XYLT1: variants seen among roughly 807,000 people sequenced by gnomAD.
XYLT1 encodes the protein xylosyltransferase 1.
Under a neutral mutation model 91.3 loss-of-function variants are expected in XYLT1, and 36 were observed. The observed-to-expected ratio is 0.39, with a 90% CI of 0.30 to 0.52. XYLT1 has a LOEUF of 0.52. Among genes scored for constraint, XYLT1 ranks in the 20% least tolerant of loss-of-function variants. The pLI, the probability that XYLT1 is intolerant of heterozygous loss-of-function variation, is 0.68. For synonymous variants in XYLT1, 588 were observed against 532.0 expected (o/e 1.11, Z -1.45); for missense variants, 1,242 against 1,284.5 (o/e 0.97, Z 0.51).
At chr16:17,342,753 C>T (rs1362947304) in intron 2 of XYLT1, among the ~76,000 whole-genome samples, 1 of 152,006 alleles carries the variant, frequency 6.6e-6, no homozygotes, top group Non-Finnish European at 1.5e-5. Context: ...TCATTTACTA[C>T]CTGTATAGAA....
chr16:17,441,918 TA>T (rs542814281), intron 1 of XYLT1, among the ~76,000 whole-genome samples: 3 of 152,232 alleles, frequency 2.0e-5, no homozygotes, highest in Non-Finnish European at 4.4e-5. Flanking sequence ...TAATTTAATG[TA>T]TCAACTTGAT....
chr16:17,424,545 T>G (rs1053968423), intron 1 of XYLT1, among the ~76,000 whole-genome samples: 1 of 152,056 alleles, frequency 6.6e-6, no homozygotes, highest in Admixed American at 6.5e-5. Flanking sequence ...GGGAGTGTTA[T>G]GTGGATGCTG....
intron 9 of XYLT1, among the ~76,000 whole-genome samples, chr16:17,133,806 C>CAGTT (rs1373115939): frequency 1.3e-5 from 2 of 152,144 alleles, no homozygotes; most frequent in African/African-American, 4.8e-5. Context: ...GAAGTGTTGG[C>CAGTT]AGTTAGTGGT....
At chr16:17,198,121 A>G (rs2032466502) in intron 5 of XYLT1, 91 bp downstream of exon 5, 2 of 1,322,702 alleles carry the variant, frequency 1.5e-6, no homozygotes, top group Admixed American at 1.7e-5. Context: ...GAGACTATGC[A>G]TCAGTCTCCT....
intron 3 of XYLT1, among the ~76,000 whole-genome samples, chr16:17,222,046 T>G (rs1001502882): frequency 1.3e-5 from 2 of 152,182 alleles, no homozygotes; most frequent in African/African-American, 4.8e-5. Context: ...GCGATTGGCA[T>G]GACAAATTCA....
At chr16:17,212,371 C>A (rs959475854) in intron 3 of XYLT1, among the ~76,000 whole-genome samples, 2 of 152,060 alleles carry the variant, frequency 1.3e-5, no homozygotes, top group Non-Finnish European at 2.9e-5. Flanking sequence ...GTTTGGTGGG[C>A]GCAAGTATTG....
chr16:17,182,210 C>T (rs984192885), intron 5 of XYLT1, among the ~76,000 whole-genome samples: 9 of 152,164 alleles, frequency 5.9e-5, no homozygotes, highest in African/African-American at 1.2e-4. Context: ...TCTGTACAGG[C>T]TGCTATAACA....
intron 3 of XYLT1, among the ~76,000 whole-genome samples, chr16:17,206,782 G>A (rs943967664): frequency 1.3e-5 from 2 of 152,066 alleles, no homozygotes; most frequent in Non-Finnish European, 2.9e-5. Context: ...TATGGCCTAA[G>A]CACCAGTCAA....
chr16:17,143,336 G>A (rs531055679), intron 6 of XYLT1, among the ~76,000 whole-genome samples: 2 of 151,926 alleles, frequency 1.3e-5, no homozygotes, highest in Non-Finnish European at 2.9e-5. Flanking sequence ...TACGTGCCAG[G>A]TACTGTGCTG....
chr16:17,218,361 T>C (rs578077531), intron 3 of XYLT1, among the ~76,000 whole-genome samples: 1 of 134,500 alleles, frequency 7.4e-6, no homozygotes, highest in South Asian at 2.3e-4. Context: ...TGCGGACTTT[T>C]GTTTTTTTTT....
chr16:17,172,366 G>A (rs1179993444), intron 5 of XYLT1, among the ~76,000 whole-genome samples: 1 of 151,590 alleles, frequency 6.6e-6, no homozygotes, highest in Non-Finnish European at 1.5e-5. Flanking sequence ...AGCTCTATTA[G>A]CTTTCCTGGT....
At chr16:17,173,932 G>C (rs1296744354) in intron 5 of XYLT1, among the ~76,000 whole-genome samples, 8 of 152,186 alleles carry the variant, frequency 5.3e-5, no homozygotes, top group Admixed American at 2.0e-4. Context: ...GTAATCGCTT[G>C]ATTATCTGGT....
intron 1 of XYLT1, among the ~76,000 whole-genome samples, chr16:17,377,396 C>A (rs780510522): frequency 1.3e-5 from 2 of 152,166 alleles, no homozygotes; most frequent in Non-Finnish European, 2.9e-5. Context: ...CGATAGAGTT[C>A]CCATTGTCTG....
At chr16:17,209,486 C>G (rs1403033484) in intron 3 of XYLT1, among the ~76,000 whole-genome samples, 4 of 152,158 alleles carry the variant, frequency 2.6e-5, no homozygotes, top group Non-Finnish European at 5.9e-5. Context: ...CTGTTTGAGT[C>G]ACTGTTTCAA....
chr16:17,278,621 A>C (rs913442946), intron 2 of XYLT1, among the ~76,000 whole-genome samples: 3 of 152,188 alleles, frequency 2.0e-5, no homozygotes, highest in Admixed American at 6.5e-5. Context: ...TTGGCTTCAC[A>C]TCATCCCATC....
At chr16:17,378,901 G>A (rs2035636523) in intron 1 of XYLT1, among the ~76,000 whole-genome samples, 1 of 152,180 alleles carries the variant, frequency 6.6e-6, no homozygotes, top group Non-Finnish European at 1.5e-5. Context: ...TTCATAGACA[G>A]AATATTTCAA....
chr16:17,137,828 G>T (rs374908965), intron 8 of XYLT1, among the ~76,000 whole-genome samples: 1 of 152,126 alleles, frequency 6.6e-6, no homozygotes, highest in African/African-American at 2.4e-5. Flanking sequence ...CAAATTCGTC[G>T]ATATCACTGA....
chr16:17,213,330 G>A lies in XYLT1; in HGVS notation c.914-12676C>T, dbSNP rs948303169. Among the ~76,000 whole-genome samples the A allele has an allele frequency of 2.0e-5, 3 of 152,174 alleles. No individual in the cohort carries two copies. In the South Asian group the frequency reaches 6.2e-4, roughly 31 times the overall value. ...TTTCCTGTACAGCTCACAGAACTGA[G>A]AGCCAATTAAAACTCCTTTCTTTAT... On this transcript the variant is annotated intron_variant, in intron 3 of 11. Coordinates refer to ENST00000261381, the MANE Select transcript of XYLT1 (RefSeq NM_022166.4).
intron 1 of XYLT1, among the ~76,000 whole-genome samples, chr16:17,458,564 T>C (rs1190885900): frequency 6.6e-6 from 1 of 152,144 alleles, no homozygotes; most frequent in African/African-American, 2.4e-5. Flanking sequence ...CATCTAACTT[T>C]AATCCTTTCC....
Sources: gnomAD v4.1 joint callset for allele counts (sites outside exome capture counted in the v4.1 genomes callset) on GRCh38, gnomAD v4.1.1 for gene constraint, MANE v1.5 for transcripts, NCBI Gene and HGNC (gene_info 2026-07-23, HGNC 2026-07-21) for gene names.